CDH7: variants seen among roughly 807,000 people sequenced by gnomAD.
The protein encoded by CDH7 is cadherin 7.
Under a neutral mutation model 71.8 loss-of-function variants are expected in CDH7, and 25 were observed. That is an observed-to-expected ratio of 0.35 (90% confidence interval 0.25 to 0.49). The LOEUF is 0.49. Among genes scored for constraint, CDH7 ranks in the 20% least tolerant of loss-of-function variants. CDH7 has a pLI of 0.99. For missense variants in CDH7, 862 were observed against 974.6 expected, an observed-to-expected ratio of 0.88 and a Z score of 1.54; for synonymous variants, 381 against 363.8, an observed-to-expected ratio of 1.05 and a Z score of -0.54.
At chr18:65,845,627 A>G (rs1309862597) in intron 7 of CDH7, among the ~76,000 whole-genome samples, 1 of 152,146 alleles carries the variant, frequency 6.6e-6, no homozygotes, top group East Asian at 1.9e-4. Context: ...TTACTGGCAT[A>G]GATTAGCTAC....
intron 9 of CDH7, among the ~76,000 whole-genome samples, 179 bp from the exon 10 acceptor site, chr18:65,859,529 T>C (rs889214841): frequency 1.1e-4 from 16 of 152,204 alleles, no homozygotes; most frequent in African/African-American, 3.4e-4. Context: ...GAAAATGACA[T>C]GATTTGTTTT....
At chr18:65,825,469 A>G (rs2143944910) in intron 6 of CDH7, among the ~76,000 whole-genome samples, 1 of 151,996 alleles carries the variant, frequency 6.6e-6, no homozygotes, top group African/African-American at 2.4e-5. Flanking sequence ...ATGGGAGAAA[A>G]TGGACTCTTT....
chr18:65,791,440 A>T (rs1311106234), intron 2 of CDH7, among the ~76,000 whole-genome samples: 6 of 152,170 alleles, frequency 3.9e-5, no homozygotes, highest in Admixed American at 3.3e-4. Flanking sequence ...CTGGAGTCTT[A>T]AAAAAATGAG....
chr18:65,838,616 G>A (rs1912617692), intron 6 of CDH7, among the ~76,000 whole-genome samples: 1 of 152,186 alleles, frequency 6.6e-6, no homozygotes, highest in Admixed American at 6.5e-5. Flanking sequence ...GTTGGCTAAA[G>A]GTGCGAGATA....
intron 10 of CDH7, among the ~76,000 whole-genome samples, chr18:65,861,968 A>G (rs891218506): frequency 2.0e-5 from 3 of 152,154 alleles, no homozygotes; most frequent in Admixed American, 6.6e-5. Flanking sequence ...TTTTTGATAT[A>G]TAAATCACAC....
intron 2 of CDH7, among the ~76,000 whole-genome samples, chr18:65,765,686 G>A (rs906508383): frequency 6.6e-6 from 1 of 151,808 alleles, no homozygotes; most frequent in Non-Finnish European, 1.5e-5. Flanking sequence ...TAGCTATTTG[G>A]GTAATTTGGA....
intron 6 of CDH7, among the ~76,000 whole-genome samples, chr18:65,840,940 T>C (rs1473685171): frequency 2.0e-5 from 3 of 152,156 alleles, no homozygotes; most frequent in Non-Finnish European, 4.4e-5. Flanking sequence ...CTAATAGTTA[T>C]GGACTATATT....
intron 6 of CDH7, among the ~76,000 whole-genome samples, chr18:65,832,965 T>G (rs1359020820): frequency 6.6e-6 from 1 of 152,206 alleles, no homozygotes; most frequent in Non-Finnish European, 1.5e-5. Flanking sequence ...TAATTCCCTA[T>G]GAAAGATAAC....
At chr18:65,821,034 T>C (rs1196582173) in intron 4 of CDH7, among the ~76,000 whole-genome samples, 1 of 152,056 alleles carries the variant, frequency 6.6e-6, no homozygotes, top group Non-Finnish European at 1.5e-5. Context: ...ATAAATGAAA[T>C]ATGTGTTGGT....
At chr18:65,850,562 C>T (rs958096072) in intron 7 of CDH7, among the ~76,000 whole-genome samples, 5 of 151,004 alleles carry the variant, frequency 3.3e-5, no homozygotes, top group Non-Finnish European at 7.4e-5. Context: ...GTTTAAGATT[C>T]ACATTCCCTG....
chr18:65,788,532 A>G (rs1455644785), intron 2 of CDH7, among the ~76,000 whole-genome samples: 2 of 152,182 alleles, frequency 1.3e-5, no homozygotes, highest in African/African-American at 4.8e-5. Flanking sequence ...GCGAGCAGGT[A>G]TGTTTATAGA....
chr18:65,874,753 A>T lies in CDH7; in HGVS notation c.1865-5648A>T, dbSNP rs149112573. On this transcript the variant is annotated intron_variant, in intron 11 of 11. Transcript: ENST00000397968. Reference sequence around the variant, plus strand: ...TAAATGTATATATATTTATAATTTCATACATGTATATATAGATATGTGGCC... The same window carrying T: ...TAAATGTATATATATTTATAATTTCTTACATGTATATATAGATATGTGGCC... Among the ~76,000 whole-genome samples the T allele has an allele frequency of 1.3e-3, 191 of 151,854 alleles. 1 individual carries two copies. The highest frequency in any genetic ancestry group is 4.4e-3 in the African/African-American group (184 of 41,474).
In CDH7 at chr18:65,822,698, A is replaced by G. The variant is rs186277791; in HGVS notation, c.793+450A>G. On this transcript the variant is annotated intron_variant, in intron 5 of 11. Transcript: ENST00000397968. The stretch of plus-strand genomic sequence containing the variant: ...GAGTAATAAATGTTTTCATTTTATC[A>G]TTTCACACTTTTTAAAGCCAGTTTA... 3.9e-5 allele frequency among the ~76,000 whole-genome samples: 6 copies of G among 152,072 alleles called. No individual in the cohort carries two copies. In the East Asian group the frequency reaches 1.2e-3, roughly 29 times the overall value.
At chr18:65,814,848 A>G (rs938434825) in intron 4 of CDH7, among the ~76,000 whole-genome samples, 4 of 152,144 alleles carry the variant, frequency 2.6e-5, no homozygotes, top group Non-Finnish European at 2.9e-5. Flanking sequence ...TTCAGCTTCT[A>G]TCTCCTGAAT....
chr18:65,851,151 A>G (rs1324281943), intron 7 of CDH7, among the ~76,000 whole-genome samples: 4 of 152,104 alleles, frequency 2.6e-5, no homozygotes, highest in Non-Finnish European at 5.9e-5. Flanking sequence ...CCTAAGAGAC[A>G]AGCACTATTA....
At position 65,781,982 on chromosome 18, in the gene CDH7, CTCTCTT is replaced by C. The variant is rs1404619663; in HGVS notation, c.210+18936_210+18941del. 3.2e-3 allele frequency among the ~76,000 whole-genome samples: 233 copies of C among 73,264 alleles called. 14 individuals carry two copies. The highest frequency in any genetic ancestry group is 8.9e-3 in the East Asian group (28 of 3,160). 48.1% of individuals were successfully genotyped at this position (73,264 alleles called of 152,430 possible). ...TCTCTTTCTCTCTCTCTCTCTCTCT[CTCTCTT>C]TCTCTCTTTCTCTCTTTCTCTCTTT... On this transcript the variant is annotated intron_variant, in intron 2 of 11. Transcript: ENST00000397968.
intron 4 of CDH7, among the ~76,000 whole-genome samples, chr18:65,818,190 A>G (rs1041848678): frequency 6.6e-6 from 1 of 152,200 alleles, no homozygotes; most frequent in Non-Finnish European, 1.5e-5. Flanking sequence ...AAGAATGTCT[A>G]TACATCCCAT....
intron 4 of CDH7, among the ~76,000 whole-genome samples, chr18:65,816,375 G>A (rs893177344): frequency 2.6e-5 from 4 of 152,054 alleles, no homozygotes; most frequent in Non-Finnish European, 5.9e-5. Context: ...CAGACCTAAA[G>A]GGCATGGGGA....
At chr18:65,760,847 A>G (rs1159504946) in intron 1 of CDH7, among the ~76,000 whole-genome samples, 1 of 152,182 alleles carries the variant, frequency 6.6e-6, no homozygotes, top group East Asian at 1.9e-4. Flanking sequence ...CCATGTCCAG[A>G]TCAAGTTTAA....
Sources: gnomAD v4.1 joint callset for allele counts (sites outside exome capture counted in the v4.1 genomes callset) on GRCh38, gnomAD v4.1.1 for gene constraint, MANE v1.5 for transcripts, NCBI Gene and HGNC (gene_info 2026-07-23, HGNC 2026-07-21) for gene names.